EFNA5: variants seen among roughly 807,000 people sequenced by gnomAD.
The protein encoded by EFNA5 is ephrin-A5.
A neutral mutation model predicts 22.9 loss-of-function variants in EFNA5; 5 were observed. The ratio of observed to expected loss-of-function variants is 0.22; its 90% CI spans 0.11 to 0.46. EFNA5 has a LOEUF of 0.46. Among genes scored for constraint, EFNA5 ranks in the 20% least tolerant of loss-of-function variants. EFNA5 has a pLI of 0.99. For missense variants in EFNA5, 237 were observed against 293.3 expected (o/e 0.81, Z 1.40); for synonymous variants, 113 against 112.2 (o/e 1.01, Z -0.04).
At chr5:107,543,475 A>C (rs1196088167) in intron 1 of EFNA5, among the ~76,000 whole-genome samples, 2 of 152,216 alleles carry the variant, frequency 1.3e-5, no homozygotes, top group Non-Finnish European at 2.9e-5. Flanking sequence ...AAAAAATCAC[A>C]CAAAGAACAT....
At chr5:107,410,948 T>C (rs1229240935) in intron 2 of EFNA5, among the ~76,000 whole-genome samples, 1 of 152,194 alleles carries the variant, frequency 6.6e-6, no homozygotes. Flanking sequence ...TTTCCATTCT[T>C]TGTCGTGGAG....
intron 4 of EFNA5, among the ~76,000 whole-genome samples, chr5:107,383,593 T>C (rs79037710): frequency 6.6e-6 from 1 of 152,182 alleles, no homozygotes; most frequent in African/African-American, 2.4e-5. Flanking sequence ...CACCTGAAAT[T>C]GCATCAGCTA....
intron 1 of EFNA5, among the ~76,000 whole-genome samples, chr5:107,441,092 A>G (rs1030517320): frequency 6.6e-6 from 1 of 152,016 alleles, no homozygotes; most frequent in African/African-American, 2.4e-5. Context: ...GCATAGGGTA[A>G]ACAGGGATTT....
At chr5:107,518,890 T>A (rs1318929130) in intron 1 of EFNA5, among the ~76,000 whole-genome samples, 1 of 152,180 alleles carries the variant, frequency 6.6e-6, no homozygotes, top group East Asian at 1.9e-4. Flanking sequence ...GTATTTCCAG[T>A]CATTGAGAGG....
intron 2 of EFNA5, among the ~76,000 whole-genome samples, chr5:107,425,900 T>C (rs1748799306): frequency 6.6e-6 from 1 of 152,098 alleles, no homozygotes; most frequent in African/African-American, 2.4e-5. Flanking sequence ...AGAATGTTCT[T>C]GTTTGTCTGG....
chr5:107,633,152 T>C (rs188158599), intron 1 of EFNA5, among the ~76,000 whole-genome samples: 60 of 152,320 alleles, frequency 3.9e-4, no homozygotes, highest in African/African-American at 1.4e-3. Flanking sequence ...GCTTTCATTA[T>C]TTGTGAGTCA....
At chr5:107,660,261 C>CAT (rs56838945) in intron 1 of EFNA5, among the ~76,000 whole-genome samples, 904 of 52,130 alleles carry the variant, frequency 0.017, 36 homozygotes, top group Middle Eastern at 0.032. Context: ...ATGGCAAAAA[C>CAT]ATATATATAT....
chr5:107,418,210 A>C (rs1748556410), intron 2 of EFNA5, among the ~76,000 whole-genome samples: 1 of 152,210 alleles, frequency 6.6e-6, no homozygotes, highest in Admixed American at 6.5e-5. Context: ...CCCAAAGTCA[A>C]TGAAGTATAA....
intron 2 of EFNA5, among the ~76,000 whole-genome samples, chr5:107,410,679 A>T (rs988185912): frequency 4.6e-5 from 7 of 152,212 alleles, no homozygotes; most frequent in Admixed American, 4.6e-4. Context: ...GAAAAAAAAT[A>T]ACTTTAACAA....
intron 1 of EFNA5, among the ~76,000 whole-genome samples, chr5:107,550,085 A>C (rs1451687664): frequency 1.3e-5 from 2 of 152,238 alleles, no homozygotes; most frequent in Non-Finnish European, 2.9e-5. Context: ...ATTAACAAAG[A>C]AAACTGTAAA....
chr5:107,605,296 CTG>C (rs1305715716), intron 1 of EFNA5, among the ~76,000 whole-genome samples: 1 of 152,110 alleles, frequency 6.6e-6, no homozygotes, highest in Non-Finnish European at 1.5e-5. Flanking sequence ...GCTCTCTTGA[CTG>C]TGCATGATGC....
intron 1 of EFNA5, among the ~76,000 whole-genome samples, chr5:107,601,192 C>T (rs892756709): frequency 3.9e-5 from 6 of 152,150 alleles, no homozygotes; most frequent in African/African-American, 1.2e-4. Flanking sequence ...CAGGACCATT[C>T]GTACTATGTT....
rs532198158 is a variant in EFNA5 at position 107,490,948 on chromosome 5, T to C, written c.126-63439A>G. 3.3e-5 allele frequency among the ~76,000 whole-genome samples: 5 copies of C among 152,348 alleles called. No individual in the cohort carries two copies. In the East Asian group the frequency reaches 7.7e-4, roughly 24 times the overall value. On this transcript the variant is annotated intron_variant, in intron 1 of 4. Transcript: ENST00000333274. ...CAAGATGAGGTTTCATTAACTCTTT[T>C]ACTTTCAATCATCTTCAAACTCAGC...
intron 1 of EFNA5, among the ~76,000 whole-genome samples, chr5:107,536,355 T>G (rs1747928762): frequency 1.3e-5 from 2 of 152,222 alleles, no homozygotes; most frequent in Admixed American, 1.3e-4. Context: ...TATTTTTTCT[T>G]TAGCAACTCA....
chr5:107,448,870 T>TAAATAAAA (rs1199766639), intron 1 of EFNA5, among the ~76,000 whole-genome samples: 234 of 113,054 alleles, frequency 2.1e-3, no homozygotes, highest in South Asian at 5.7e-3. Flanking sequence ...AATAAATAAA[T>TAAATAAAA]AAAATAAAAT....
chr5:107,662,209 C>A (rs942682897), intron 1 of EFNA5, among the ~76,000 whole-genome samples: 4 of 152,178 alleles, frequency 2.6e-5, no homozygotes, highest in Non-Finnish European at 4.4e-5. Flanking sequence ...CGTACCTGAA[C>A]TTTAACCGCG....
At chr5:107,567,895 GT>G (rs1748694893) in intron 1 of EFNA5, among the ~76,000 whole-genome samples, 2 of 152,224 alleles carry the variant, frequency 1.3e-5, no homozygotes, top group African/African-American at 4.8e-5. Context: ...TGTTATTGTT[GT>G]TTATTTTATT....
intron 1 of EFNA5, among the ~76,000 whole-genome samples, chr5:107,626,448 A>T (rs989395552): frequency 1.1e-4 from 17 of 152,064 alleles, no homozygotes; most frequent in African/African-American, 2.4e-4. Context: ...TAATTAATTT[A>T]AAAAAAATTT....
chr5:107,593,101 G>C (rs1248884727), intron 1 of EFNA5, among the ~76,000 whole-genome samples: 3 of 152,144 alleles, frequency 2.0e-5, no homozygotes, highest in Non-Finnish European at 4.4e-5. Context: ...TTATGTAACT[G>C]TTTGCTATGT....
Sources: gnomAD v4.1 joint callset for allele counts (sites outside exome capture counted in the v4.1 genomes callset) on GRCh38, gnomAD v4.1.1 for gene constraint, MANE v1.5 for transcripts, NCBI Gene and HGNC (gene_info 2026-07-23, HGNC 2026-07-21) for gene names.